The following CTDSPL2 variants were observed in gnomAD, a reference collection of about 807,000 sequenced individuals.
CTDSPL2 encodes CTD small phosphatase-like protein 2.
A neutral mutation model predicts 60.0 loss-of-function variants in CTDSPL2; 5 were observed. The ratio of observed to expected loss-of-function variants is 0.08; its 90% confidence interval spans 0.04 to 0.18. The LOEUF is 0.18. Ranked by LOEUF, CTDSPL2 falls within the 10% of genes least tolerant of loss-of-function variation. CTDSPL2 has a pLI of 1.00. For missense variants in CTDSPL2, 370 were observed against 548.8 expected (o/e 0.67, Z 3.26); for synonymous variants, 186 against 189.3 (o/e 0.98, Z 0.14).
At chr15:44,504,902 A>T (rs1186812352) in intron 8 of CTDSPL2, among the ~76,000 whole-genome samples, 1 of 152,212 alleles carries the variant, frequency 6.6e-6, no homozygotes, top group Non-Finnish European at 1.5e-5. Context: ...TTAATTGTAG[A>T]TGAATATTAA....
At chr15:44,491,033 G>A in intron 5 of CTDSPL2, 34 bp downstream of exon 5, 1 of 1,465,580 alleles carries the variant, frequency 6.8e-7, no homozygotes. Flanking sequence ...ACATCTTCAT[G>A]AGTAGTTGAT....
chr15:44,497,784 G>A (rs913980223), intron 7 of CTDSPL2, among the ~76,000 whole-genome samples: 36 of 152,196 alleles, frequency 2.4e-4, no homozygotes, highest in African/African-American at 8.7e-4. Flanking sequence ...ATCACTTGAA[G>A]CCAGGAGTTT....
intron 2 of CTDSPL2, among the ~76,000 whole-genome samples, chr15:44,465,421 T>C (rs1050303142): frequency 6.6e-5 from 10 of 152,142 alleles, no homozygotes; most frequent in Non-Finnish European, 7.4e-5. Flanking sequence ...TGAATGCAGT[T>C]TTAATGAAAT....
At chr15:44,488,010 C>A (rs2081150521) in intron 4 of CTDSPL2, among the ~76,000 whole-genome samples, 1 of 150,292 alleles carries the variant, frequency 6.7e-6, no homozygotes, top group Non-Finnish European at 1.5e-5. Flanking sequence ...CCCAGCTACT[C>A]AAGGCAGGAG....
intron 5 of CTDSPL2, among the ~76,000 whole-genome samples, chr15:44,494,847 CGGAGGTTACA>C (rs1049090646): frequency 1.2e-4 from 18 of 151,052 alleles, no homozygotes; most frequent in African/African-American, 3.9e-4. Context: ...ACCGGTGAGG[CGGAGGTTACA>C]GTGAGCCCAG....
At chr15:44,473,991 G>T (rs541650560) in intron 2 of CTDSPL2, among the ~76,000 whole-genome samples, 2 of 152,074 alleles carry the variant, frequency 1.3e-5, no homozygotes, top group East Asian at 1.9e-4. Context: ...ACCACACCGG[G>T]CTAATTTTTA....
intron 1 of CTDSPL2, among the ~76,000 whole-genome samples, chr15:44,457,189 A>G (rs370945452): frequency 3.3e-5 from 5 of 152,284 alleles, no homozygotes; most frequent in African/African-American, 1.2e-4. Flanking sequence ...CTTTGAAGCC[A>G]GGCACTGACT....
At chr15:44,437,859 G>C (rs1174154590) in intron 1 of CTDSPL2, among the ~76,000 whole-genome samples, 1 of 152,190 alleles carries the variant, frequency 6.6e-6, no homozygotes. Flanking sequence ...TGATACTTGG[G>C]CTGAGTTTTA....
At chr15:44,462,597 T>C (rs1446352317) in intron 2 of CTDSPL2, among the ~76,000 whole-genome samples, 2 of 151,582 alleles carry the variant, frequency 1.3e-5, no homozygotes, top group African/African-American at 4.9e-5. Flanking sequence ...GCTTGCTGGC[T>C]CACCGCTCAC....
In CTDSPL2 at chr15:44,528,486, C is replaced by T. The variant is rs2081903922; in HGVS notation, c.*4312C>T. On this transcript the variant is annotated 3_prime_UTR_variant, in exon 13 of 13. Transcript: ENST00000260327. ...GAGTAGGCAACAAAATTAAAGTTCACCAGACATCTCTTTGTGGTAGAGTTT... is the reference window on the plus strand; with the variant it reads ...GAGTAGGCAACAAAATTAAAGTTCATCAGACATCTCTTTGTGGTAGAGTTT... The T allele has an allele frequency of 4.0e-5, 6 of 151,466 alleles. No individual in the cohort carries two copies. Among genetic ancestry groups the T allele is most frequent in the Admixed American group, 3.9e-4 (6 of 15,206 alleles). 9.4% of individuals were successfully genotyped at this position (151,466 alleles called of 1,614,324 possible). A position where few individuals can be genotyped will look rare whatever the true frequency, so the allele number is the denominator to read the frequency against.
intron 2 of CTDSPL2, among the ~76,000 whole-genome samples, chr15:44,468,258 CTCTT>C (rs1353010813): frequency 1.3e-5 from 2 of 151,998 alleles, no homozygotes; most frequent in East Asian, 3.9e-4. Context: ...TTTAGCTTTT[CTCTT>C]TCTTGTTTTA....
At chr15:44,463,961 A>G (rs2080629857) in intron 2 of CTDSPL2, among the ~76,000 whole-genome samples, 1 of 152,202 alleles carries the variant, frequency 6.6e-6, no homozygotes, top group Admixed American at 6.6e-5. Flanking sequence ...TAATTATAAT[A>G]ATAACCTACC....
At chr15:44,515,512 A>G (rs565096598) in intron 10 of CTDSPL2, among the ~76,000 whole-genome samples, 2 of 152,290 alleles carry the variant, frequency 1.3e-5, no homozygotes, top group Non-Finnish European at 2.9e-5. Context: ...GTATCCTTTA[A>G]GAGGAGGGGT....
intron 1 of CTDSPL2, among the ~76,000 whole-genome samples, chr15:44,432,967 C>CATGAAT (rs1334479950): frequency 2.6e-5 from 4 of 151,968 alleles, no homozygotes; most frequent in South Asian, 4.1e-4. Context: ...CTATATTGAA[C>CATGAAT]ATGAATGATC....
At chr15:44,522,126 T>G (rs2081789610) in intron 12 of CTDSPL2, among the ~76,000 whole-genome samples, 2 of 152,068 alleles carry the variant, frequency 1.3e-5, no homozygotes, top group Non-Finnish European at 2.9e-5. Context: ...CTTGACTTCC[T>G]GGGCTCAATC....
chr15:44,454,163 C>T (rs2080387792), intron 1 of CTDSPL2, among the ~76,000 whole-genome samples: 1 of 152,194 alleles, frequency 6.6e-6, no homozygotes, highest in African/African-American at 2.4e-5. Flanking sequence ...TTTTGATTTG[C>T]ATTTCTCTGA....
At chr15:44,506,412 C>CTTTTTTTTTTTTTTTT (rs764238056) in intron 8 of CTDSPL2, among the ~76,000 whole-genome samples, 24 of 112,392 alleles carry the variant, frequency 2.1e-4, no homozygotes, top group East Asian at 2.1e-3. Flanking sequence ...CCTACTTTGA[C>CTTTTTTTTTTTTTTTT]TTTTTTTTTT....
At chr15:44,507,650 C>T (rs1217091432) in intron 8 of CTDSPL2, among the ~76,000 whole-genome samples, 1 of 152,156 alleles carries the variant, frequency 6.6e-6, no homozygotes, top group African/African-American at 2.4e-5. Context: ...GGTATTGATG[C>T]TAAGAACATG....
chr15:44,486,719 C>T lies in CTDSPL2; in HGVS notation c.475+19C>T. The T allele has an allele frequency of 4.2e-6, 6 of 1,442,918 alleles. No homozygotes were observed. The highest frequency in any genetic ancestry group is 2.6e-5 in the East Asian group (1 of 38,988). 89.4% of individuals were successfully genotyped at this position (1,442,918 alleles called of 1,614,324 possible). On this transcript the variant is annotated intron_variant, in intron 4 of 12. Coordinates refer to ENST00000260327, the MANE Select transcript of CTDSPL2 (RefSeq NM_016396.3). ...AAAAATGGTAAGTATAAACTGTTAA[C>T]TGTGATTTGGATTTTTTTTAAAAAA...
Sources: gnomAD v4.1 joint callset for allele counts (sites outside exome capture counted in the v4.1 genomes callset) on GRCh38, gnomAD v4.1.1 for gene constraint, MANE v1.5 for transcripts, NCBI Gene and HGNC (gene_info 2026-07-23, HGNC 2026-07-21) for gene names.